Variants in CLASP2 observed in about 807,000 individuals in gnomAD.
The protein encoded by CLASP2 is cytoplasmic linker associated protein 2, also known as CLIP-associating protein 2.
Under a neutral mutation model 194.4 loss-of-function variants are expected in CLASP2, and 47 were observed. The ratio of observed to expected loss-of-function variants is 0.24; its 90% CI spans 0.19 to 0.31. The LOEUF (loss-of-function observed/expected upper bound fraction) is 0.31. CLASP2 is among the 10% of genes least tolerant of loss of function. CLASP2 has a pLI of 1.00. For synonymous variants in CLASP2, 619 were observed against 633.5 expected (o/e 0.98, Z 0.34); for missense variants, 1,445 against 1,823.6 (o/e 0.79, Z 3.78).
Position 33,696,901 on chromosome 3 carries a change from G to T in CLASP2, c.228C>A (p.Ala76=). ...AGCGTGTTGATAATCTGTCCACAAA[G>T]GCACTTAAAATTTCCAATCCCATTA... The part of the protein sequence containing the change: ...VSLMGLEILS[A]FVDRLSTRFK... Residue 76 remains alanine (A), a synonymous_variant, in exon 2 of 39, where the codon GCC becomes GCA. Coordinates refer to ENST00000682230, the MANE Select transcript of CLASP2 (RefSeq NM_001365631.1). 6.3e-7 allele frequency: 1 copy of T among 1,596,074 alleles called. No individual in the cohort carries two copies. Among genetic ancestry groups the T allele is most frequent in the Non-Finnish European group, 8.5e-7 (1 of 1,169,744 alleles).
chr3:33,694,377 C>A (rs1019601694), intron 2 of CLASP2, among the ~76,000 whole-genome samples: 11 of 152,190 alleles, frequency 7.2e-5, no homozygotes, highest in African/African-American at 2.7e-4. Context: ...CCATGTGGTA[C>A]TCCTGGTGTC....
At chr3:33,573,032 C>T (rs2064111228) in intron 25 of CLASP2, 78 bp downstream of exon 25, 2 of 1,520,606 alleles carry the variant, frequency 1.3e-6, no homozygotes, top group Non-Finnish European at 1.8e-6. Context: ...ACCAGTATCT[C>T]TAAAGTGTTA....
chr3:33,541,188 A>C (rs949473103), intron 32 of CLASP2, among the ~76,000 whole-genome samples: 3 of 152,196 alleles, frequency 2.0e-5, no homozygotes, highest in Non-Finnish European at 4.4e-5. Context: ...AGACACATGC[A>C]CATGTATGTG....
At chr3:33,615,664 T>G in intron 12 of CLASP2, among the ~76,000 whole-genome samples, 1 of 151,776 alleles carries the variant, frequency 6.6e-6, no homozygotes, top group Admixed American at 6.6e-5. Context: ...GAATTCTACA[T>G]TTGTAAATGA....
chr3:33,649,278 C>A (rs1166658409), intron 7 of CLASP2, among the ~76,000 whole-genome samples: 1 of 152,172 alleles, frequency 6.6e-6, no homozygotes, highest in Non-Finnish European at 1.5e-5. Context: ...TGTATCCCTG[C>A]CTGTGTTATT....
chr3:33,689,733 T>C (rs1418740716), intron 3 of CLASP2, 96 bp downstream of exon 3: 4 of 738,988 alleles, frequency 5.4e-6, no homozygotes, highest in Non-Finnish European at 8.3e-6. Flanking sequence ...TAGCAACAAA[T>C]CATTGCTTAA....
intron 7 of CLASP2, among the ~76,000 whole-genome samples, chr3:33,649,731 C>T (rs925819239): frequency 6.6e-6 from 1 of 152,066 alleles, no homozygotes; most frequent in African/African-American, 2.4e-5. Flanking sequence ...ACTATACCCT[C>T]GAGGTTAAAG....
chr3:33,515,591 GT>G (rs2051082673), intron 36 of CLASP2, among the ~76,000 whole-genome samples: 1 of 152,172 alleles, frequency 6.6e-6, no homozygotes, highest in South Asian at 2.1e-4. Flanking sequence ...TGAGGCTGCA[GT>G]GAGCTGTGAT....
At chr3:33,548,272 T>G (rs2154154770) in intron 30 of CLASP2, among the ~76,000 whole-genome samples, 1 of 152,230 alleles carries the variant, frequency 6.6e-6, no homozygotes, top group East Asian at 1.9e-4. Flanking sequence ...AAAAAAAGTT[T>G]TAGAAAATGT....
Position 33,625,363 on chromosome 3 carries a change from A to AAC in CLASP2, c.1035+1623_1035+1624dup, listed in dbSNP as rs779554126. ...AAACAAACAAAGATCAGATTCCTAT[A>AAC]ACACACACACACACACACATTACAT... On this transcript the variant is annotated intron_variant, in intron 10 of 38. Transcript: ENST00000682230. 1.2e-3 allele frequency among the ~76,000 whole-genome samples: 185 copies of AAC among 150,240 alleles called. 2 individuals carry two copies. The highest frequency in any genetic ancestry group is 2.5e-3 in the Admixed American group (37 of 15,060).
At chr3:33,594,828 C>T in intron 20 of CLASP2, 123 bp downstream of exon 20, 2 of 485,444 alleles carry the variant, frequency 4.1e-6, no homozygotes, top group Non-Finnish European at 6.8e-6. Flanking sequence ...GAACTTACTA[C>T]AACTGGCAAA....
intron 31 of CLASP2, among the ~76,000 whole-genome samples, chr3:33,544,267 C>G (rs2058813607): frequency 1.3e-5 from 2 of 152,272 alleles, no homozygotes; most frequent in South Asian, 2.1e-4. Context: ...GACTGACAAG[C>G]CTGTGATCAT....
chr3:33,678,153 T>C (rs1331189333), intron 6 of CLASP2, among the ~76,000 whole-genome samples: 1 of 151,760 alleles, frequency 6.6e-6, no homozygotes, highest in Non-Finnish European at 1.5e-5. Context: ...TACATGTTAA[T>C]GGGGATAATA....
intron 8 of CLASP2, among the ~76,000 whole-genome samples, chr3:33,643,194 G>GA (rs1186481973): frequency 6.6e-6 from 1 of 150,938 alleles, no homozygotes; most frequent in African/African-American, 2.4e-5. Context: ...ACCAAACCAC[G>GA]AAAAAAAATT....
intron 14 of CLASP2, 127 bp from the exon 15 acceptor site, chr3:33,607,588 G>A: frequency 1.8e-6 from 1 of 555,542 alleles, no homozygotes; most frequent in South Asian, 3.1e-5. Context: ...ATTAATTAGT[G>A]TACAATAATA....
chr3:33,717,785 C>T, intron 1 of CLASP2, 23 bp downstream of exon 1: 1 of 1,549,290 alleles, frequency 6.5e-7, no homozygotes, highest in Non-Finnish European at 8.7e-7. Flanking sequence ...CGTGACCAGC[C>T]CAGCCTCGCC....
intron 2 of CLASP2, among the ~76,000 whole-genome samples, chr3:33,692,885 T>A (rs2091500449): frequency 6.6e-6 from 1 of 151,492 alleles, no homozygotes; most frequent in Non-Finnish European, 1.5e-5. Context: ...ACTCTTAGTA[T>A]TTTTTTTTCT....
chr3:33,666,015 A>G (rs1213084273), intron 6 of CLASP2, among the ~76,000 whole-genome samples: 1 of 152,172 alleles, frequency 6.6e-6, no homozygotes, highest in African/African-American at 2.4e-5. Flanking sequence ...GACTTAGGAT[A>G]AGGATAGAGG....
At chr3:33,689,783 CTG>C (rs777811943) in intron 3 of CLASP2, 44 bp downstream of exon 3, 2 of 1,341,308 alleles carry the variant, frequency 1.5e-6, no homozygotes, top group South Asian at 2.9e-5. Context: ...TAATGATTTC[CTG>C]TGATTACCAT....
Sources: gnomAD v4.1 joint callset for allele counts (sites outside exome capture counted in the v4.1 genomes callset) on GRCh38, gnomAD v4.1.1 for gene constraint, MANE v1.5 for transcripts, NCBI Gene and HGNC (gene_info 2026-07-23, HGNC 2026-07-21) for gene names.